STK32B: variants seen among roughly 807,000 people sequenced by gnomAD.
STK32B encodes serine/threonine kinase 32B.
In STK32B, 43 loss-of-function variants were observed where a neutral mutation model predicts 52.6. That is an observed-to-expected ratio of 0.82 (90% CI 0.64 to 1.05). STK32B has a LOEUF of 1.05. STK32B is among the 50% of genes least tolerant of loss of function. The probability of loss-of-function intolerance (pLI) is 0.00; values close to 1 mark genes in which losing one functional copy is unlikely to be tolerated. For synonymous variants in STK32B, 238 were observed against 204.3 expected, an observed-to-expected ratio of 1.17 and a Z score of -1.41; for missense variants, 621 against 534.6, an observed-to-expected ratio of 1.16 and a Z score of -1.59.
chr4:5,376,572 C>G (rs977686920), intron 4 of STK32B, among the ~76,000 whole-genome samples: 3 of 152,108 alleles, frequency 2.0e-5, no homozygotes, highest in Admixed American at 1.3e-4. Context: ...CTGAGATTTA[C>G]CTCTTTCCTC....
chr4:5,241,225 G>A (rs973327014), intron 3 of STK32B, among the ~76,000 whole-genome samples: 1 of 152,036 alleles, frequency 6.6e-6, no homozygotes, highest in African/African-American at 2.4e-5. Context: ...TCAAGTCATG[G>A]ATTTATTTTT....
intron 3 of STK32B, among the ~76,000 whole-genome samples, chr4:5,176,062 C>G (rs1002774760): frequency 6.6e-6 from 1 of 152,208 alleles, no homozygotes. Context: ...GCTGTGCTAG[C>G]AATGAGCGAG....
intron 1 of STK32B, among the ~76,000 whole-genome samples, chr4:5,128,345 G>C (rs1359838940): frequency 6.6e-6 from 1 of 152,178 alleles, no homozygotes; most frequent in Non-Finnish European, 1.5e-5. Flanking sequence ...TCGAGGAATC[G>C]ATAGTTTAAT....
rs561443083 is a variant in STK32B, at chr4:5,261,748, G to GTTA, written c.261-69462_261-69460dup. Among the ~76,000 whole-genome samples the GTTA allele has an allele frequency of 1.7e-3, 262 of 152,162 alleles. 2 individuals are homozygous for GTTA. Among genetic ancestry groups the GTTA allele is most frequent in the African/African-American group, 6.1e-3 (252 of 41,514 alleles). On this transcript the variant is annotated intron_variant, in intron 3 of 11. Transcript: ENST00000282908. ...CAGAAAGGTAGTTGTTATTATTATTGTTATTATTATTACTTTATTATTATT... is the reference window on the plus strand; with the variant it reads ...CAGAAAGGTAGTTGTTATTATTATTGTTATTATTATTATTACTTTATTATTATT...
intron 4 of STK32B, among the ~76,000 whole-genome samples, chr4:5,365,721 C>T (rs1321645869): frequency 1.3e-5 from 2 of 152,150 alleles, no homozygotes; most frequent in Admixed American, 6.5e-5. Flanking sequence ...TCCCGTGGAG[C>T]ATTGAAAAGT....
intron 3 of STK32B, among the ~76,000 whole-genome samples, chr4:5,237,872 A>C (rs1393805747): frequency 6.6e-6 from 1 of 152,132 alleles, no homozygotes; most frequent in Non-Finnish European, 1.5e-5. Context: ...CCTTTTCCCC[A>C]TCTGACTATT....
At chr4:5,478,127 T>A (rs969960595) in intron 11 of STK32B, among the ~76,000 whole-genome samples, 1 of 152,176 alleles carries the variant, frequency 6.6e-6, no homozygotes, top group East Asian at 1.9e-4. Flanking sequence ...TGTGACCTAC[T>A]ACCAGTTGCC....
chr4:5,315,282 C>CT (rs1364619887), intron 3 of STK32B, among the ~76,000 whole-genome samples: 1 of 152,026 alleles, frequency 6.6e-6, no homozygotes, highest in Non-Finnish European at 1.5e-5. Context: ...TGAGATGTGA[C>CT]TACACACCTG....
chr4:5,424,175 T>A (rs1282358398), intron 6 of STK32B, among the ~76,000 whole-genome samples: 1 of 152,084 alleles, frequency 6.6e-6, no homozygotes, highest in Non-Finnish European at 1.5e-5. Flanking sequence ...CTTGGCCCCC[T>A]TTGGACATTG....
chr4:5,249,164 C>T (rs1234928883), intron 3 of STK32B, among the ~76,000 whole-genome samples: 2 of 152,144 alleles, frequency 1.3e-5, no homozygotes, highest in Non-Finnish European at 2.9e-5. Context: ...GCTGCTGTTG[C>T]TGCTACAGGC....
intron 1 of STK32B, among the ~76,000 whole-genome samples, chr4:5,093,529 A>G (rs936055870): frequency 3.3e-5 from 5 of 151,654 alleles, no homozygotes; most frequent in Non-Finnish European, 5.9e-5. Context: ...ACGTGGACAC[A>G]GGAAGGGGAA....
chr4:5,026,758 C>T, the STK32B span, among the ~76,000 whole-genome samples: 2 of 152,180 alleles, frequency 1.3e-5, no homozygotes, highest in Non-Finnish European at 2.9e-5. Flanking sequence ...CCCTGTGTTC[C>T]CATCCTGTGC....
intron 3 of STK32B, among the ~76,000 whole-genome samples, chr4:5,206,871 A>G (rs796628653): frequency 2.6e-4 from 40 of 152,234 alleles, no homozygotes; most frequent in African/African-American, 8.9e-4. Context: ...ACTTATGCAA[A>G]TCATTATTTT....
At chr4:5,458,223 T>A (rs1364242200) in intron 8 of STK32B, among the ~76,000 whole-genome samples, 1 of 152,218 alleles carries the variant, frequency 6.6e-6, no homozygotes, top group Non-Finnish European at 1.5e-5. Context: ...GCGGGAGATC[T>A]TGGTGCCCTG....
At chr4:5,179,817 G>A (rs1720220936) in intron 3 of STK32B, among the ~76,000 whole-genome samples, 1 of 152,196 alleles carries the variant, frequency 6.6e-6, no homozygotes, top group African/African-American at 2.4e-5. Context: ...TGTTGGCCTT[G>A]CACTGCCTTC....
intron 1 of STK32B, among the ~76,000 whole-genome samples, chr4:5,108,597 T>C (rs1301207298): frequency 6.6e-6 from 1 of 152,244 alleles, no homozygotes; most frequent in African/African-American, 2.4e-5. Context: ...AACTTAAAGA[T>C]TTATTTGTGG....
rs537162104 is a variant in STK32B at position 5,333,268 on chromosome 4, A to G, written c.434+1875A>G. Among the ~76,000 whole-genome samples, 5 of 152,294 alleles carry G rather than the reference A, an allele frequency of 3.3e-5. No homozygotes were observed. In the South Asian group the frequency reaches 1.0e-3, roughly 32 times the overall value. On this transcript the variant is annotated intron_variant, in intron 4 of 11. Transcript: ENST00000282908. ...CCAGTGATGGTGAGCATTTGGCTGCATAAATGTCTTCTTTTGAGAAGTGTC... is the reference window on the plus strand; with the variant it reads ...CCAGTGATGGTGAGCATTTGGCTGCGTAAATGTCTTCTTTTGAGAAGTGTC...
chr4:5,471,245 G>C (rs973590631), intron 11 of STK32B, among the ~76,000 whole-genome samples: 7 of 152,184 alleles, frequency 4.6e-5, no homozygotes, highest in African/African-American at 1.7e-4. Flanking sequence ...ACTTCAGAAT[G>C]TGACCTTATT....
At chr4:5,191,136 C>T (rs1479900750) in intron 3 of STK32B, among the ~76,000 whole-genome samples, 4 of 152,160 alleles carry the variant, frequency 2.6e-5, no homozygotes, top group African/African-American at 9.7e-5. Context: ...AAACCTTAAA[C>T]TCTGGTTTTC....
Sources: gnomAD v4.1 joint callset for allele counts (sites outside exome capture counted in the v4.1 genomes callset) on GRCh38, gnomAD v4.1.1 for gene constraint, MANE v1.5 for transcripts, NCBI Gene and HGNC (gene_info 2026-07-23, HGNC 2026-07-21) for gene names.